VTI1A: variants seen among roughly 807,000 people sequenced by gnomAD.
VTI1A encodes vesicle transport through interaction with t-SNAREs 1A, also known as vesicle transport through interaction with t-SNAREs homolog 1A.
In VTI1A, 22 loss-of-function variants were observed where a neutral mutation model predicts 34.9. That is an observed-to-expected ratio of 0.63 (90% confidence interval 0.45 to 0.90). The LOEUF is 0.90. Among genes scored for constraint, VTI1A ranks in the 40% least tolerant of loss-of-function variants. The probability of loss-of-function intolerance (pLI) is 0.00; values close to 1 mark genes in which losing one functional copy is unlikely to be tolerated. For synonymous variants in VTI1A, 87 were observed against 97.3 expected, an observed-to-expected ratio of 0.89 and a Z score of 0.62; for missense variants, 268 against 275.6, an observed-to-expected ratio of 0.97 and a Z score of 0.20.
intron 5 of VTI1A, among the ~76,000 whole-genome samples, chr10:112,589,783 C>T (rs866885346): frequency 3.2e-4 from 48 of 152,020 alleles, no homozygotes; most frequent in Non-Finnish European, 4.0e-4. Flanking sequence ...AATGGTAGAA[C>T]AGGGATTTAA....
chr10:112,521,264 C>A (rs1850020139), intron 3 of VTI1A, among the ~76,000 whole-genome samples: 1 of 151,854 alleles, frequency 6.6e-6, no homozygotes, highest in Admixed American at 6.6e-5. Context: ...TGGAAGCCAT[C>A]CAAAAATTAC....
intron 3 of VTI1A, among the ~76,000 whole-genome samples, chr10:112,471,784 A>T (rs1848094637): frequency 6.6e-6 from 1 of 151,104 alleles, no homozygotes; most frequent in South Asian, 2.1e-4. Flanking sequence ...GTTCCAGGAA[A>T]ATGAACCAGC....
intron 3 of VTI1A, among the ~76,000 whole-genome samples, chr10:112,513,847 C>T (rs1819434217): frequency 6.6e-6 from 1 of 151,872 alleles, no homozygotes; most frequent in Admixed American, 6.6e-5. Context: ...TATTGATTTG[C>T]ATATATTGAA....
downstream of VTI1A, among the ~76,000 whole-genome samples, chr10:112,821,260 C>A (rs1162689466): frequency 1.3e-5 from 2 of 152,160 alleles, no homozygotes; most frequent in Non-Finnish European, 2.9e-5. Context: ...GCAAACCCGG[C>A]TCCGCCGAGA....
intron 5 of VTI1A, among the ~76,000 whole-genome samples, chr10:112,600,294 A>G (rs961916790): frequency 6.6e-6 from 1 of 152,154 alleles, no homozygotes; most frequent in Non-Finnish European, 1.5e-5. Context: ...ATGCTTTGAA[A>G]ACATAACTCA....
chr10:112,664,682 C>T (rs747779135), intron 5 of VTI1A, among the ~76,000 whole-genome samples: 4 of 152,086 alleles, frequency 2.6e-5, no homozygotes, highest in Admixed American at 6.6e-5. Context: ...CCCTTTTGCA[C>T]GTGTGTTTCT....
At chr10:112,761,257 G>A (rs1851454294) in intron 7 of VTI1A, among the ~76,000 whole-genome samples, 1 of 152,172 alleles carries the variant, frequency 6.6e-6, no homozygotes, top group South Asian at 2.1e-4. Flanking sequence ...GATTCTGTGG[G>A]GCTTATCTCT....
chr10:112,551,824 C>A (rs955609865), intron 5 of VTI1A, among the ~76,000 whole-genome samples: 1 of 152,136 alleles, frequency 6.6e-6, no homozygotes, highest in Non-Finnish European at 1.5e-5. Flanking sequence ...CAAAGCCAGG[C>A]TTTGGGGCAA....
At chr10:112,558,775 T>C (rs902260104) in intron 5 of VTI1A, among the ~76,000 whole-genome samples, 3 of 152,234 alleles carry the variant, frequency 2.0e-5, no homozygotes, top group Non-Finnish European at 4.4e-5. Flanking sequence ...TCTTTAAGCA[T>C]TGAAGCAGGC....
intron 5 of VTI1A, among the ~76,000 whole-genome samples, chr10:112,628,970 C>T (rs1436359571): frequency 6.6e-6 from 1 of 152,112 alleles, no homozygotes; most frequent in Non-Finnish European, 1.5e-5. Flanking sequence ...CCAGACATCT[C>T]ATAACCCACA....
intron 3 of VTI1A, among the ~76,000 whole-genome samples, chr10:112,495,092 C>G (rs1295378664): frequency 2.6e-5 from 4 of 151,276 alleles, no homozygotes; most frequent in South Asian, 2.1e-4. Flanking sequence ...ATTGAAGAGG[C>G]CTGAATGTTT....
rs548957561 is a variant in VTI1A, at chr10:112,585,861, A to G, written c.427+47531A>G. Among the ~76,000 whole-genome samples, 64 of 152,170 alleles carry G rather than the reference A, an allele frequency of 4.2e-4. 1 individual carries two copies. The South Asian group carries it at 0.013, about 31-fold the overall frequency. ...GCTGAATCAGAAATCAACATTATCTAGCCTTAAAGATTGCAGTTACTTCTG... is the reference window on the plus strand; with the variant it reads ...GCTGAATCAGAAATCAACATTATCTGGCCTTAAAGATTGCAGTTACTTCTG... On this transcript the variant is annotated intron_variant, in intron 5 of 7. Coordinates refer to ENST00000393077, the MANE Select transcript of VTI1A (RefSeq NM_145206.4).
At chr10:112,672,118 CAA>C (rs1311468241) in intron 7 of VTI1A, among the ~76,000 whole-genome samples, 1 of 151,732 alleles carries the variant, frequency 6.6e-6, no homozygotes, top group Non-Finnish European at 1.5e-5. Context: ...ACCAGAAAAA[CAA>C]ATAACTAATA....
At chr10:112,790,804 T>C (rs1174671997) in intron 7 of VTI1A, among the ~76,000 whole-genome samples, 1 of 151,714 alleles carries the variant, frequency 6.6e-6, no homozygotes, top group East Asian at 1.9e-4. Context: ...TTTATACTTG[T>C]TTTGTGAATT....
At chr10:112,559,671 C>T (rs1851656481) in intron 5 of VTI1A, among the ~76,000 whole-genome samples, 1 of 152,136 alleles carries the variant, frequency 6.6e-6, no homozygotes, top group Non-Finnish European at 1.5e-5. Context: ...CCCTTCACTC[C>T]ATCCATTTTC....
intron 3 of VTI1A, among the ~76,000 whole-genome samples, chr10:112,466,706 T>G (rs1330281552): frequency 3.9e-5 from 6 of 152,184 alleles, no homozygotes; most frequent in Admixed American, 3.9e-4. Flanking sequence ...AATGGAACTC[T>G]TTTCTGAAGA....
chr10:112,518,973 G>A (rs1047259198), intron 3 of VTI1A, among the ~76,000 whole-genome samples: 1 of 151,732 alleles, frequency 6.6e-6, no homozygotes, highest in Non-Finnish European at 1.5e-5. Flanking sequence ...TAGAAAATTT[G>A]GACTAAATTA....
intron 7 of VTI1A, among the ~76,000 whole-genome samples, chr10:112,681,340 C>CA (rs752477198): frequency 1.3e-5 from 2 of 152,134 alleles, no homozygotes; most frequent in African/African-American, 2.4e-5. Context: ...CTCAGCCCCC[C>CA]AAAGTGCTGA....
intron 5 of VTI1A, among the ~76,000 whole-genome samples, chr10:112,628,758 T>G (rs1846015666): frequency 6.6e-6 from 1 of 152,188 alleles, no homozygotes. Flanking sequence ...ATCTTTTAAA[T>G]GTAAGATTTT....
Sources: allele counts gnomAD v4.1 joint callset (sites outside exome capture counted in the v4.1 genomes callset), GRCh38; gene constraint gnomAD v4.1.1; transcripts MANE v1.5; gene names NCBI Gene and HGNC (gene_info 2026-07-23, HGNC 2026-07-21).